Variants in PCDH15 observed in about 807,000 individuals in gnomAD.
PCDH15 encodes protocadherin related 15, also known as protocadherin-15.
In PCDH15, 129 loss-of-function variants were observed where a neutral mutation model predicts 178.5. That is an observed-to-expected ratio of 0.72 (90% CI 0.63 to 0.84). PCDH15 has a LOEUF of 0.84. Among genes scored for constraint, PCDH15 ranks in the 40% least tolerant of loss-of-function variants. The probability of loss-of-function intolerance (pLI) is 0.00; values close to 1 mark genes in which losing one functional copy is unlikely to be tolerated. For missense variants in PCDH15, 2,230 were observed against 2,099.9 expected, an observed-to-expected ratio of 1.06 and a Z score of -1.21; for synonymous variants, 800 against 732.0, an observed-to-expected ratio of 1.09 and a Z score of -1.50.
intron 2 of PCDH15, among the ~76,000 whole-genome samples, chr10:55,119,556 A>G (rs1337177708): frequency 6.6e-6 from 1 of 150,970 alleles, no homozygotes; most frequent in Non-Finnish European, 1.5e-5. Context: ...GGTATTGCAT[A>G]TTCCATATTG....
chr10:54,821,644 A>G lies in PCDH15; in HGVS notation c.-29+75806T>C, dbSNP rs551144806. On this transcript the variant is annotated intron_variant, in intron 3 of 5. Coordinates refer to the PCDH15 transcript ENST00000458638. ...TTGACTACCTCTTCACAAGACTGCA[A>G]TTTTGTGATATTAATATCTCTAGTG... is the stretch of plus-strand genomic sequence containing the variant. Among the ~76,000 whole-genome samples, 360 of 152,210 alleles carry G rather than the reference A, an allele frequency of 2.4e-3. 1 individual carries two copies. The highest frequency in any genetic ancestry group is 4.0e-3 in the Non-Finnish European group (272 of 67,982).
chr10:54,677,309 G>A (rs1045707267), intron 1 of PCDH15, among the ~76,000 whole-genome samples: 1 of 152,130 alleles, frequency 6.6e-6, no homozygotes, highest in Non-Finnish European at 1.5e-5. Flanking sequence ...GAGCCCAGGA[G>A]TTCAAGGTTA....
At chr10:54,942,174 G>T (rs1292530988) in intron 2 of PCDH15, among the ~76,000 whole-genome samples, 2 of 151,974 alleles carry the variant, frequency 1.3e-5, no homozygotes, top group Non-Finnish European at 2.9e-5. Context: ...AATAAATTCT[G>T]CTTCCTTGGG....
chr10:55,053,227 T>C (rs1432217277), intron 2 of PCDH15, among the ~76,000 whole-genome samples: 2 of 152,208 alleles, frequency 1.3e-5, no homozygotes, highest in Non-Finnish European at 2.9e-5. Context: ...TGGAAACTAC[T>C]ATAGAAGTTC....
At chr10:54,866,464 C>T (rs865961906) in intron 3 of PCDH15, among the ~76,000 whole-genome samples, 7 of 151,988 alleles carry the variant, frequency 4.6e-5, no homozygotes, top group African/African-American at 1.2e-4. Context: ...TTCTTTAGAA[C>T]GGCTATAAGC....
At chr10:54,543,162 C>T (rs1293477724) in intron 2 of PCDH15, among the ~76,000 whole-genome samples, 5 of 152,140 alleles carry the variant, frequency 3.3e-5, no homozygotes, top group African/African-American at 9.7e-5. Context: ...TTCTGGCTCC[C>T]CCATTGGCTG....
intron 15 of PCDH15, among the ~76,000 whole-genome samples, chr10:54,097,049 C>A (rs1033139273): frequency 6.6e-6 from 1 of 151,564 alleles, no homozygotes; most frequent in Non-Finnish European, 1.5e-5. Context: ...GAAATGACTT[C>A]TCATTATTTC....
At chr10:54,596,666 A>C (rs1441409207) in intron 2 of PCDH15, among the ~76,000 whole-genome samples, 2 of 152,208 alleles carry the variant, frequency 1.3e-5, no homozygotes, top group Non-Finnish European at 1.5e-5. Context: ...AGCTGGATAA[A>C]GAACCAAAAC....
intron 13 of PCDH15, among the ~76,000 whole-genome samples, chr10:54,153,592 C>T (rs922899285): frequency 6.6e-6 from 1 of 152,050 alleles, no homozygotes; most frequent in Non-Finnish European, 1.5e-5. Context: ...AAGAGGAAAG[C>T]CCTAACAGAA....
chr10:54,223,397 G>T (rs12249440), intron 9 of PCDH15, among the ~76,000 whole-genome samples: 11,053 of 148,218 alleles, frequency 0.075, 1,345 homozygotes, highest in African/African-American at 0.25. Context: ...TATAGTTTTA[G>T]CTCTTACATT....
At chr10:54,556,368 T>C (rs984819861) in intron 2 of PCDH15, among the ~76,000 whole-genome samples, 1 of 152,168 alleles carries the variant, frequency 6.6e-6, no homozygotes, top group Non-Finnish European at 1.5e-5. Flanking sequence ...TGAAGGACCT[T>C]GAATCTCTCT....
At chr10:53,895,889 C>T (rs1461162004) in intron 26 of PCDH15, among the ~76,000 whole-genome samples, 1 of 152,096 alleles carries the variant, frequency 6.6e-6, no homozygotes, top group Non-Finnish European at 1.5e-5. Context: ...CGCCTCATTT[C>T]TCCTGGGAAG....
chr10:55,398,271 T>C (rs1444065796), intron 2 of PCDH15, among the ~76,000 whole-genome samples: 1 of 151,964 alleles, frequency 6.6e-6, no homozygotes, highest in Non-Finnish European at 1.5e-5. Flanking sequence ...TGAATGAACA[T>C]GAGAGGCAAG....
intron 3 of PCDH15, among the ~76,000 whole-genome samples, chr10:54,821,758 A>G (rs1440465761): frequency 6.6e-6 from 1 of 152,110 alleles, no homozygotes; most frequent in Non-Finnish European, 1.5e-5. Flanking sequence ...TTAGCTTCAC[A>G]ACTATAAATT....
chr10:54,778,292 G>T (rs188394279), intron 1 of PCDH15, among the ~76,000 whole-genome samples: 32 of 152,264 alleles, frequency 2.1e-4, no homozygotes, highest in Admixed American at 1.2e-3. Context: ...AGTGTTGAGA[G>T]ACACATTTTG....
chr10:55,311,050 C>A (rs1843573893), intron 1 of PCDH15, among the ~76,000 whole-genome samples: 1 of 152,054 alleles, frequency 6.6e-6, no homozygotes. Flanking sequence ...GTGATCTGTG[C>A]AATTCAAATG....
intron 2 of PCDH15, among the ~76,000 whole-genome samples, chr10:54,933,336 T>C (rs1360617747): frequency 6.6e-6 from 1 of 152,120 alleles, no homozygotes; most frequent in Non-Finnish European, 1.5e-5. Flanking sequence ...TGACAGTTTT[T>C]ATGTAAAAAA....
chr10:54,633,786 T>C (rs1285699749), intron 2 of PCDH15, among the ~76,000 whole-genome samples: 1 of 152,108 alleles, frequency 6.6e-6, no homozygotes. Flanking sequence ...CCAATGCTAA[T>C]GAATGTACTT....
At position 55,457,673 on chromosome 10, in the gene PCDH15, C is replaced by T. The variant is rs77649069; in HGVS notation, c.-156+169952G>A. On this transcript the variant is annotated intron_variant, in intron 2 of 5. Transcript: ENST00000613346. ...GTGGATGACCTGGTACCAAGATACC[C>T]CTGAGGGCCCGACGGCTTCCTTTTA... 6.4e-4 allele frequency among the ~76,000 whole-genome samples: 97 copies of T among 152,044 alleles called. 2 individuals carry two copies. In the East Asian group the frequency reaches 0.018, roughly 28 times the overall value.
Sources: gnomAD v4.1 joint callset for allele counts (sites outside exome capture counted in the v4.1 genomes callset) on GRCh38, gnomAD v4.1.1 for gene constraint, MANE v1.5 for transcripts, NCBI Gene and HGNC (gene_info 2026-07-23, HGNC 2026-07-21) for gene names.